The following SYT9 variants were observed in gnomAD, a reference collection of about 807,000 sequenced individuals.
The protein encoded by SYT9 is synaptotagmin 9, also known as synaptotagmin-9.
Under a neutral mutation model 48.4 loss-of-function variants are expected in SYT9, and 22 were observed. The observed-to-expected ratio is 0.45, with a 90% CI of 0.32 to 0.65. SYT9 has a LOEUF of 0.65. SYT9 is among the 30% of genes least tolerant of loss of function. SYT9 has a pLI of 0.03. For missense variants in SYT9, 577 were observed against 622.0 expected (o/e 0.93, Z 0.77); for synonymous variants, 265 against 245.0 (o/e 1.08, Z -0.76).
At position 7,407,526 on chromosome 11, in the gene SYT9, G is replaced by A. The variant is rs1307432291; in HGVS notation, c.1045-8516G>A. ...CTCCCCAGTAGCTGGGACTACAGGC[G>A]CCCGCCACCGCGCCCGGCTAATTTT... On this transcript the variant is annotated intron_variant, in intron 3 of 6. Transcript: ENST00000318881. Among the ~76,000 whole-genome samples the A allele has an allele frequency of 7.9e-5, 8 of 100,894 alleles. 3 individuals are homozygous for A. Among genetic ancestry groups the A allele is most frequent in the Non-Finnish European group, 1.5e-4 (8 of 53,400 alleles). The allele number at this position is 100,894 out of a possible 152,430, so 66.2% of individuals were successfully genotyped here. A position where few individuals can be genotyped will look rare whatever the true frequency, so the allele number is the denominator to read the frequency against.
At chr11:7,264,507 G>T (rs1471453173) in intron 1 of SYT9, among the ~76,000 whole-genome samples, 2 of 152,064 alleles carry the variant, frequency 1.3e-5, no homozygotes, top group Admixed American at 1.3e-4. Flanking sequence ...AATTTCATTG[G>T]AGTAAGGAGA....
chr11:7,361,384 C>T (rs951143703), intron 3 of SYT9, among the ~76,000 whole-genome samples: 4 of 152,048 alleles, frequency 2.6e-5, no homozygotes, highest in African/African-American at 9.7e-5. Flanking sequence ...GAATTTTGGT[C>T]GTAGAACATT....
At chr11:7,460,192 G>A (rs1227068872) in intron 6 of SYT9, among the ~76,000 whole-genome samples, 1 of 152,078 alleles carries the variant, frequency 6.6e-6, no homozygotes, top group Non-Finnish European at 1.5e-5. Context: ...AATGATTATA[G>A]ATCTAATAAT....
chr11:7,391,409 T>G (rs1287829361), intron 3 of SYT9, among the ~76,000 whole-genome samples: 1 of 152,122 alleles, frequency 6.6e-6, no homozygotes, highest in Non-Finnish European at 1.5e-5. Flanking sequence ...CTGAACTAAT[T>G]TAGATTGCAA....
chr11:7,291,947 C>T (rs1848703581), intron 1 of SYT9, among the ~76,000 whole-genome samples: 1 of 152,034 alleles, frequency 6.6e-6, no homozygotes, highest in Non-Finnish European at 1.5e-5. Flanking sequence ...TTGCACCATG[C>T]CTTGTGTAGG....
intron 3 of SYT9, among the ~76,000 whole-genome samples, chr11:7,333,819 C>A (rs1046678017): frequency 6.6e-6 from 1 of 152,112 alleles, no homozygotes; most frequent in African/African-American, 2.4e-5. Flanking sequence ...CACTGTCTGC[C>A]AGGCAATGTA....
intron 2 of SYT9, among the ~76,000 whole-genome samples, chr11:7,305,482 T>C (rs564949431): frequency 6.6e-6 from 1 of 152,324 alleles, no homozygotes; most frequent in South Asian, 2.1e-4. Context: ...TTGAGGATTG[T>C]GTTGCATCAT....
At chr11:7,377,550 T>C (rs1423953777) in intron 3 of SYT9, among the ~76,000 whole-genome samples, 2 of 152,160 alleles carry the variant, frequency 1.3e-5, no homozygotes, top group Non-Finnish European at 2.9e-5. Flanking sequence ...CTTCTCTTTC[T>C]TTATTTTTTT....
intron 3 of SYT9, among the ~76,000 whole-genome samples, chr11:7,317,762 G>C (rs1382677570): frequency 6.6e-6 from 1 of 152,170 alleles, no homozygotes; most frequent in Admixed American, 6.5e-5. Flanking sequence ...GTCCTATGTA[G>C]ATTTCTGTAT....
intron 3 of SYT9, among the ~76,000 whole-genome samples, chr11:7,324,322 A>T (rs539451235): frequency 2.0e-5 from 3 of 151,972 alleles, no homozygotes; most frequent in Non-Finnish European, 4.4e-5. Context: ...GATCAGTGTC[A>T]CTGGAGTTTA....
intron 3 of SYT9, among the ~76,000 whole-genome samples, chr11:7,371,317 T>C (rs1850357636): frequency 6.6e-6 from 1 of 151,326 alleles, no homozygotes; most frequent in African/African-American, 2.4e-5. Flanking sequence ...ACATGAAATG[T>C]TTCCTTCCAG....
At chr11:7,446,815 G>T (rs1317391851) in intron 6 of SYT9, among the ~76,000 whole-genome samples, 1 of 152,182 alleles carries the variant, frequency 6.6e-6, no homozygotes, top group Non-Finnish European at 1.5e-5. Flanking sequence ...TGCCCTTTCT[G>T]TCTGTGAGCC....
intron 6 of SYT9, among the ~76,000 whole-genome samples, chr11:7,447,552 C>T (rs1222567326): frequency 2.0e-5 from 3 of 152,218 alleles, no homozygotes; most frequent in African/African-American, 7.2e-5. Context: ...ATAAACTTTT[C>T]TCTGTATATA....
At chr11:7,436,407 G>T (rs1847711044) in intron 6 of SYT9, among the ~76,000 whole-genome samples, 1 of 152,190 alleles carries the variant, frequency 6.6e-6, no homozygotes, top group South Asian at 2.1e-4. Flanking sequence ...TCTTCAGTAG[G>T]ATTAACATGG....
Position 7,335,072 on chromosome 11 carries a change from A to G in SYT9, c.1044+21131A>G, listed in dbSNP as rs115787737. Among the ~76,000 whole-genome samples the G allele has an allele frequency of 2.8e-3, 434 of 152,308 alleles. 4 individuals carry two copies. Among genetic ancestry groups the G allele is most frequent in the African/African-American group, 8.8e-3 (365 of 41,578 alleles). On this transcript the variant is annotated intron_variant, in intron 3 of 6. Coordinates refer to ENST00000318881, the MANE Select transcript of SYT9 (RefSeq NM_175733.4). Reference sequence around the variant, plus strand: ...CTAAACTGTTTACCAAAATGATTGTATCATTTTACATTTACACCAGCTATG... The same window carrying G: ...CTAAACTGTTTACCAAAATGATTGTGTCATTTTACATTTACACCAGCTATG...
intron 1 of SYT9, among the ~76,000 whole-genome samples, chr11:7,287,400 G>T (rs149364278): frequency 2.0e-5 from 3 of 152,182 alleles, no homozygotes; most frequent in Non-Finnish European, 4.4e-5. Flanking sequence ...TTTGGGTGGG[G>T]ACACAGAGCC....
At chr11:7,274,590 T>A (rs1848353371) in intron 1 of SYT9, among the ~76,000 whole-genome samples, 1 of 152,194 alleles carries the variant, frequency 6.6e-6, no homozygotes, top group African/African-American at 2.4e-5. Flanking sequence ...AGTGTTGGGA[T>A]TATAGGCATG....
intron 3 of SYT9, among the ~76,000 whole-genome samples, chr11:7,321,028 A>C (rs1241300367): frequency 6.6e-6 from 1 of 151,696 alleles, no homozygotes; most frequent in Admixed American, 6.6e-5. Context: ...GCACTTCAGG[A>C]ATCTCTTTCT....
intron 6 of SYT9, among the ~76,000 whole-genome samples, chr11:7,421,724 G>T (rs1847357941): frequency 6.6e-6 from 1 of 152,016 alleles, no homozygotes; most frequent in African/African-American, 2.4e-5. Context: ...CATGTCTGAG[G>T]GTCCAATGCT....
Sources: allele counts gnomAD v4.1 joint callset (sites outside exome capture counted in the v4.1 genomes callset), GRCh38; gene constraint gnomAD v4.1.1; transcripts MANE v1.5; gene names NCBI Gene and HGNC (gene_info 2026-07-23, HGNC 2026-07-21).